Variants in PDE3B observed in about 807,000 individuals in gnomAD.
PDE3B encodes phosphodiesterase 3B, also known as cGMP-inhibited 3',5'-cyclic phosphodiesterase 3B.
A neutral mutation model predicts 116.8 loss-of-function variants in PDE3B; 66 were observed. That is an observed-to-expected ratio of 0.56 (90% CI 0.46 to 0.69). The LOEUF (loss-of-function observed/expected upper bound fraction) is 0.69. PDE3B is among the 30% of genes least tolerant of loss of function. The probability of loss-of-function intolerance (pLI) is 0.00; values close to 1 mark genes in which losing one functional copy is unlikely to be tolerated. For synonymous variants in PDE3B, 595 were observed against 533.6 expected (o/e 1.12, Z -1.59); for missense variants, 1,384 against 1,368.1 (o/e 1.01, Z -0.18).
intron 1 of PDE3B, among the ~76,000 whole-genome samples, chr11:14,658,183 A>G (rs1853773102): frequency 2.6e-5 from 4 of 152,264 alleles, no homozygotes; most frequent in Admixed American, 2.6e-4. Flanking sequence ...TCCTCCTTCT[A>G]GGGGATAAAT....
intron 1 of PDE3B, among the ~76,000 whole-genome samples, chr11:14,666,546 C>T (rs1854159833): frequency 6.6e-6 from 1 of 150,590 alleles, no homozygotes; most frequent in South Asian, 2.2e-4. Context: ...TGACAAAGGG[C>T]TAATATCCAG....
intron 5 of PDE3B, among the ~76,000 whole-genome samples, chr11:14,810,528 T>C (rs1255295983): frequency 6.6e-6 from 1 of 152,088 alleles, no homozygotes; most frequent in African/African-American, 2.4e-5. Context: ...TAGTATTCCA[T>C]AGTGTATATG....
intron 1 of PDE3B, among the ~76,000 whole-genome samples, chr11:14,671,980 G>T (rs928088477): frequency 6.8e-6 from 1 of 146,760 alleles, no homozygotes. Flanking sequence ...TTGTGGTACT[G>T]TACTCCAGCC....
chr11:14,785,958 G>A (rs1451234184), intron 2 of PDE3B, among the ~76,000 whole-genome samples: 1 of 151,844 alleles, frequency 6.6e-6, no homozygotes, highest in Non-Finnish European at 1.5e-5. Context: ...CCATAATAAG[G>A]TAGACATTAC....
the PDE3B span, among the ~76,000 whole-genome samples, chr11:14,879,624 A>T: frequency 2.0e-5 from 3 of 151,724 alleles, no homozygotes; most frequent in African/African-American, 7.3e-5. Context: ...TCTTGTACTA[A>T]CAGTAGCCAG....
intron 2 of PDE3B, among the ~76,000 whole-genome samples, chr11:14,785,898 A>G (rs868524097): frequency 5.8e-4 from 89 of 152,140 alleles, no homozygotes; most frequent in Admixed American, 1.1e-3. Context: ...ATCATACATT[A>G]TACACTGCTT....
At chr11:14,704,183 C>T (rs1855460450) in intron 1 of PDE3B, among the ~76,000 whole-genome samples, 1 of 151,672 alleles carries the variant, frequency 6.6e-6, no homozygotes, top group Non-Finnish European at 1.5e-5. Flanking sequence ...TCTCAGATAT[C>T]TTTAATTTTA....
intron 1 of PDE3B, among the ~76,000 whole-genome samples, chr11:14,669,198 T>C (rs972072697): frequency 3.3e-5 from 5 of 152,146 alleles, no homozygotes; most frequent in African/African-American, 1.2e-4. Context: ...AAGCCGTGGC[T>C]CTGGTAGTAG....
Position 14,859,255 on chromosome 11 carries a change from TG to T in PDE3B, c.2724+10del. On this transcript the variant is annotated intron_variant, in intron 13 of 15. Transcript: ENST00000282096. ...CAGAATTCAATGCCAAGGTTTGTTA[TG>T]AAAATTAGTGCCTGATTTAAAAAAT... The T allele has an allele frequency of 6.4e-7, 1 of 1,573,738 alleles. No homozygotes were observed. The highest frequency in any genetic ancestry group is 1.4e-5 in the African/African-American group (1 of 73,680).
intron 1 of PDE3B, among the ~76,000 whole-genome samples, chr11:14,722,344 A>T (rs1460896077): frequency 6.6e-6 from 1 of 152,200 alleles, no homozygotes; most frequent in Non-Finnish European, 1.5e-5. Context: ...AATCTAGGAA[A>T]GTCTAGTCGA....
intron 5 of PDE3B, among the ~76,000 whole-genome samples, chr11:14,811,267 G>A (rs1384753192): frequency 6.6e-6 from 1 of 152,100 alleles, no homozygotes; most frequent in Non-Finnish European, 1.5e-5. Context: ...GAATGGTAAT[G>A]CCTAGGTTTT....
chr11:14,671,933 T>C (rs1029711376), intron 1 of PDE3B, among the ~76,000 whole-genome samples: 1 of 150,356 alleles, frequency 6.7e-6, no homozygotes, highest in Non-Finnish European at 1.5e-5. Flanking sequence ...GGGGCTGAGG[T>C]GGGAGGCTAG....
chr11:14,862,627 G>A (rs1555007390), intron 14 of PDE3B, among the ~76,000 whole-genome samples: 1 of 152,100 alleles, frequency 6.6e-6, no homozygotes, highest in African/African-American at 2.4e-5. Context: ...AGGCTGTAGT[G>A]CAGTGGCGCG....
At chr11:14,831,055 A>G (rs1426471990) in intron 8 of PDE3B, among the ~76,000 whole-genome samples, 3 of 151,834 alleles carry the variant, frequency 2.0e-5, no homozygotes, top group Non-Finnish European at 2.9e-5. Context: ...AACAAACTGC[A>G]TTCAGTTTTA....
chr11:14,844,929 CA>C (rs1340995553), intron 12 of PDE3B, among the ~76,000 whole-genome samples: 2 of 152,240 alleles, frequency 1.3e-5, no homozygotes, highest in South Asian at 2.1e-4. Flanking sequence ...AACAAAAAGA[CA>C]GCAGTAACCT....
chr11:14,683,104 AT>A (rs1405180413), intron 1 of PDE3B, among the ~76,000 whole-genome samples: 1 of 151,588 alleles, frequency 6.6e-6, no homozygotes, highest in East Asian at 1.9e-4. Context: ...CGCCTGGCTA[AT>A]TTTTTTCTGT....
At chr11:14,890,355 T>C in the PDE3B span, 2 of 397,598 alleles carry the variant, frequency 5.0e-6, no homozygotes, top group Non-Finnish European at 6.8e-6. Context: ...TGAAATATAT[T>C]ACATGAAAAT....
intron 2 of PDE3B, among the ~76,000 whole-genome samples, chr11:14,782,780 A>G (rs1357637640): frequency 6.6e-6 from 1 of 152,228 alleles, no homozygotes; most frequent in East Asian, 1.9e-4. Flanking sequence ...TAAACTAAAG[A>G]GCTTCTGCAC....
chr11:14,801,888 G>T (rs1191078245), intron 4 of PDE3B, among the ~76,000 whole-genome samples: 17 of 152,324 alleles, frequency 1.1e-4, no homozygotes, highest in Non-Finnish European at 2.1e-4. Flanking sequence ...CTGCAGTGGG[G>T]TCCACCCAGT....
Sources: allele counts gnomAD v4.1 joint callset (sites outside exome capture counted in the v4.1 genomes callset), GRCh38; gene constraint gnomAD v4.1.1; transcripts MANE v1.5; gene names NCBI Gene and HGNC (gene_info 2026-07-23, HGNC 2026-07-21).